Variants in IMMP2L observed in about 807,000 individuals in gnomAD.
IMMP2L encodes the protein inner mitochondrial membrane peptidase subunit 2.
In IMMP2L, 18 loss-of-function variants were observed where a neutral mutation model predicts 19.3. That is an observed-to-expected ratio of 0.93 (90% confidence interval 0.64 to 1.38). The LOEUF (loss-of-function observed/expected upper bound fraction) is 1.38. Ranked by LOEUF, IMMP2L falls within the 40% of genes most tolerant of loss-of-function variation. The probability of loss-of-function intolerance (pLI) is 0.00; values close to 1 mark genes in which losing one functional copy is unlikely to be tolerated. For synonymous variants in IMMP2L, 76 were observed against 73.0 expected (o/e 1.04, Z -0.21); for missense variants, 233 against 218.2 (o/e 1.07, Z -0.43).
At chr7:110,772,981 T>C (rs1799136948) in intron 5 of IMMP2L, among the ~76,000 whole-genome samples, 1 of 152,052 alleles carries the variant, frequency 6.6e-6, no homozygotes, top group South Asian at 2.1e-4. Flanking sequence ...CTTTCAAATG[T>C]ATACTACCCT....
intron 3 of IMMP2L, among the ~76,000 whole-genome samples, chr7:111,018,108 C>A (rs555538819): frequency 9.2e-5 from 14 of 152,258 alleles, no homozygotes; most frequent in African/African-American, 3.4e-4. Flanking sequence ...AAGGCAGCAT[C>A]ATTATTCTAC....
intron 5 of IMMP2L, among the ~76,000 whole-genome samples, chr7:110,713,604 TCTC>T (rs1297656207): frequency 1.3e-5 from 2 of 152,158 alleles, no homozygotes; most frequent in East Asian, 3.9e-4. Flanking sequence ...GTTTTATAGT[TCTC>T]CTTGTAGAGA....
At chr7:111,004,204 G>A (rs1824048073) in intron 3 of IMMP2L, among the ~76,000 whole-genome samples, 1 of 151,988 alleles carries the variant, frequency 6.6e-6, no homozygotes, top group South Asian at 2.1e-4. Flanking sequence ...GGGTTGCCAT[G>A]AGAATTATTT....
chr7:111,353,000 T>C (rs534404019), intron 3 of IMMP2L, among the ~76,000 whole-genome samples: 1 of 152,310 alleles, frequency 6.6e-6, no homozygotes, highest in African/African-American at 2.4e-5. Flanking sequence ...AACTATCTTC[T>C]ACCTGCTTTA....
At chr7:111,462,840 T>G (rs998829902) in intron 3 of IMMP2L, among the ~76,000 whole-genome samples, 4 of 152,164 alleles carry the variant, frequency 2.6e-5, no homozygotes, top group African/African-American at 7.2e-5. Flanking sequence ...CATCAGTTGA[T>G]TTCTAAGGTC....
chr7:111,220,692 T>C (rs1362389293), intron 3 of IMMP2L, among the ~76,000 whole-genome samples: 2 of 151,864 alleles, frequency 1.3e-5, no homozygotes, highest in East Asian at 1.9e-4. Context: ...TACTGTAAGG[T>C]ATAGGCTCAA....
chr7:110,856,131 C>A (rs1417015398), intron 5 of IMMP2L, among the ~76,000 whole-genome samples: 1 of 151,894 alleles, frequency 6.6e-6, no homozygotes, highest in Non-Finnish European at 1.5e-5. Flanking sequence ...CTTCCAAAAC[C>A]ACCAAATTTA....
At chr7:110,811,686 C>T (rs1209351864) in intron 5 of IMMP2L, among the ~76,000 whole-genome samples, 4 of 151,998 alleles carry the variant, frequency 2.6e-5, no homozygotes, top group Non-Finnish European at 4.4e-5. Context: ...GTTATGCAAA[C>T]ATTGTAAACA....
At chr7:110,926,114 A>T (rs781000126) in intron 4 of IMMP2L, among the ~76,000 whole-genome samples, 1 of 151,978 alleles carries the variant, frequency 6.6e-6, no homozygotes, top group Non-Finnish European at 1.5e-5. Context: ...TAAAACAACA[A>T]TTTTTTTGGT....
chr7:110,793,715 A>T (rs1800637720), intron 5 of IMMP2L, among the ~76,000 whole-genome samples: 1 of 152,086 alleles, frequency 6.6e-6, no homozygotes, highest in African/African-American at 2.4e-5. Flanking sequence ...AAATTTGCTG[A>T]GAGAGTAGAT....
chr7:110,921,229 A>C (rs971928130), intron 4 of IMMP2L, among the ~76,000 whole-genome samples: 1 of 152,212 alleles, frequency 6.6e-6, no homozygotes, highest in Non-Finnish European at 1.5e-5. Context: ...ACATTTTTTC[A>C]CGATTCAATT....
intron 3 of IMMP2L, among the ~76,000 whole-genome samples, chr7:111,102,397 G>A (rs1798071417): frequency 6.6e-6 from 1 of 151,478 alleles, no homozygotes; most frequent in Non-Finnish European, 1.5e-5. Flanking sequence ...CCTCTTAGCT[G>A]CTGGAGTTTA....
At chr7:110,813,432 CTT>C (rs113097047) in intron 5 of IMMP2L, among the ~76,000 whole-genome samples, 16 of 144,794 alleles carry the variant, frequency 1.1e-4, no homozygotes, top group African/African-American at 1.3e-4. Flanking sequence ...ACATTTCTTT[CTT>C]TTTTTTTTTT....
At chr7:110,750,713 T>C (rs1229021270) in intron 5 of IMMP2L, among the ~76,000 whole-genome samples, 2 of 152,048 alleles carry the variant, frequency 1.3e-5, no homozygotes, top group East Asian at 1.9e-4. Context: ...GAGATTACTG[T>C]TAATGCTTCC....
At chr7:110,963,026 A>G in intron 4 of IMMP2L, 2 of 1,520,220 alleles carry the variant, frequency 1.3e-6, no homozygotes, top group Non-Finnish European at 1.8e-6. Flanking sequence ...TATCATCTAA[A>G]GCTTTCATTC....
In IMMP2L at chr7:111,249,492, C is replaced by A. The variant is rs564271636; in HGVS notation, c.239+237746G>T. Among the ~76,000 whole-genome samples the A allele has an allele frequency of 3.1e-4, 47 of 151,928 alleles. No individual in the cohort carries two copies. In the East Asian group the frequency reaches 7.4e-3, roughly 24 times the overall value. On this transcript the variant is annotated intron_variant, in intron 3 of 5. Transcript: ENST00000405709. The stretch of plus-strand genomic sequence containing the variant: ...AAATCACCGTCTTCTGCGTCGCTCA[C>A]GCTGGGAGCTGTAGACCGGAGCTGT...
At chr7:110,854,401 T>G (rs891828680) in intron 5 of IMMP2L, among the ~76,000 whole-genome samples, 1 of 151,948 alleles carries the variant, frequency 6.6e-6, no homozygotes, top group Admixed American at 6.6e-5. Flanking sequence ...AGGAGAAACA[T>G]GTATTCTTTT....
At chr7:111,470,380 T>C (rs1448413750) in intron 3 of IMMP2L, among the ~76,000 whole-genome samples, 1 of 152,066 alleles carries the variant, frequency 6.6e-6, no homozygotes, top group Non-Finnish European at 1.5e-5. Context: ...ACTGGGTATA[T>C]ACCCAAAGGA....
chr7:110,836,437 T>C (rs909566839), intron 5 of IMMP2L, among the ~76,000 whole-genome samples: 6 of 152,220 alleles, frequency 3.9e-5, no homozygotes, highest in Admixed American at 3.9e-4. Flanking sequence ...CTTGTGACAG[T>C]AAATAAGTCT....
Sources: allele counts gnomAD v4.1 joint callset (sites outside exome capture counted in the v4.1 genomes callset), GRCh38; gene constraint gnomAD v4.1.1; transcripts MANE v1.5; gene names NCBI Gene and HGNC (gene_info 2026-07-23, HGNC 2026-07-21).